The following GPD2 variants were observed in gnomAD, a reference collection of about 807,000 sequenced individuals.
GPD2 encodes glycerol-3-phosphate dehydrogenase 2.
Under a neutral mutation model 82.4 loss-of-function variants are expected in GPD2, and 54 were observed. The ratio of observed to expected loss-of-function variants is 0.66; its 90% CI spans 0.53 to 0.82. GPD2 has a LOEUF of 0.82. GPD2 is among the 40% of genes least tolerant of loss of function. The probability of loss-of-function intolerance (pLI) is 0.00; values close to 1 mark genes in which losing one functional copy is unlikely to be tolerated. For missense variants in GPD2, 748 were observed against 896.2 expected, an observed-to-expected ratio of 0.83 and a Z score of 2.11; for synonymous variants, 288 against 306.1, an observed-to-expected ratio of 0.94 and a Z score of 0.62.
chr2:156,499,724 TTTTA>T (rs941795725), intron 3 of GPD2, among the ~76,000 whole-genome samples: 10 of 152,002 alleles, frequency 6.6e-5, no homozygotes, highest in Admixed American at 2.6e-4. Flanking sequence ...GAAAATTCCA[TTTTA>T]TTTATTTTCA....
Position 156,569,968 on chromosome 2 carries a change from G to T in GPD2, c.1477-119G>T, listed in dbSNP as rs183711886. 3 of 876,616 alleles carry T rather than the reference G, an allele frequency of 3.4e-6. No individual in the cohort carries two copies. The African/African-American group carries it at 5.0e-5, about 15-fold the overall frequency. The allele number at this position is 876,616 out of a possible 1,614,324, so 54.3% of individuals were successfully genotyped here. ...ACAAAATCAAAATATAATACTCTCC[G>T]AGAGCTATTAGTTACAGGCTGTAAG... On this transcript the variant is annotated intron_variant, in intron 11 of 16. Transcript: ENST00000438166.
Position 156,550,482 on chromosome 2 carries a change from C to T in GPD2, c.827-120C>T, listed in dbSNP as rs1360909417. The T allele has an allele frequency of 3.0e-6, 3 of 996,380 alleles. No homozygotes were observed. The East Asian group carries it at 7.2e-5, about 24-fold the overall frequency. 61.7% of individuals were successfully genotyped at this position (996,380 alleles called of 1,614,324 possible). A position where few individuals can be genotyped will look rare whatever the true frequency, so the allele number is the denominator to read the frequency against. On this transcript the variant is annotated intron_variant, in intron 7 of 16. Coordinates refer to ENST00000438166, the MANE Select transcript of GPD2 (RefSeq NM_000408.5). ...TCAATAACTTGAGCTGCTCAGGTCA[C>T]TTAGTGTGGTATGCAGTATACTTCA... is the stretch of plus-strand genomic sequence containing the variant.
At chr2:156,554,867 TTAAC>T (rs1470641442) in intron 8 of GPD2, among the ~76,000 whole-genome samples, 2 of 152,206 alleles carry the variant, frequency 1.3e-5, no homozygotes, top group Admixed American at 1.3e-4. Context: ...TGATTTCAGT[TTAAC>T]TAAGGGCACT....
chr2:156,459,424 C>T (rs1159285887), intron 1 of GPD2, among the ~76,000 whole-genome samples: 1 of 151,966 alleles, frequency 6.6e-6, no homozygotes, highest in Admixed American at 6.6e-5. Context: ...CGGTGGCTCA[C>T]ACCTGTAATC....
At chr2:156,530,736 T>A (rs7569343) in intron 6 of GPD2, among the ~76,000 whole-genome samples, 101,728 of 151,908 alleles carry the variant, frequency 0.67, 34,457 homozygotes, top group Middle Eastern at 0.81. Flanking sequence ...ATTACATTTA[T>A]TGATTTGTGT....
At chr2:156,507,949 C>T (rs1242527813) in intron 3 of GPD2, among the ~76,000 whole-genome samples, 1 of 152,136 alleles carries the variant, frequency 6.6e-6, no homozygotes, top group Non-Finnish European at 1.5e-5. Flanking sequence ...GCCCTGAACA[C>T]GTACTTCTCT....
intron 1 of GPD2, among the ~76,000 whole-genome samples, chr2:156,463,799 G>A (rs1683066499): frequency 6.6e-6 from 1 of 152,024 alleles, no homozygotes; most frequent in Non-Finnish European, 1.5e-5. Flanking sequence ...ATCAATGACA[G>A]CTTCAAAAGG....
intron 9 of GPD2, among the ~76,000 whole-genome samples, chr2:156,560,828 T>C (rs1212722290): frequency 6.6e-6 from 1 of 152,168 alleles, no homozygotes; most frequent in African/African-American, 2.4e-5. Context: ...CATTCAGTTA[T>C]TCAATTACAT....
At chr2:156,513,295 CTG>C in intron 5 of GPD2, 36 bp from the exon 6 acceptor site, 1 of 1,420,248 alleles carries the variant, frequency 7.0e-7, no homozygotes, top group Non-Finnish European at 9.9e-7. Flanking sequence ...ATGCTATACT[CTG>C]TTTCTGAAGA....
chr2:156,424,202 G>GAAA, the GPD2 span, among the ~76,000 whole-genome samples: 5 of 147,510 alleles, frequency 3.4e-5, no homozygotes, highest in Non-Finnish European at 3.0e-5. Context: ...ATTAAATAAG[G>GAAA]AAAAAAAAAA....
At chr2:156,451,720 C>G (rs1180969929) in intron 1 of GPD2, among the ~76,000 whole-genome samples, 2 of 144,266 alleles carry the variant, frequency 1.4e-5, no homozygotes, top group Non-Finnish European at 3.1e-5. Flanking sequence ...CCCTCCCGGA[C>G]GGGGCGGCTG....
chr2:156,417,500 A>G, the GPD2 span, among the ~76,000 whole-genome samples: 1 of 152,126 alleles, frequency 6.6e-6, no homozygotes, highest in Non-Finnish European at 1.5e-5. Context: ...AAATAAGTCA[A>G]TTTATTCCTT....
intron 9 of GPD2, among the ~76,000 whole-genome samples, chr2:156,564,600 T>C (rs187028757): frequency 2.3e-4 from 35 of 152,198 alleles, no homozygotes; most frequent in Non-Finnish European, 3.7e-4. Context: ...AAGCTCTTAA[T>C]ACTTCAGTGG....
chr2:156,414,130 T>C, the GPD2 span, among the ~76,000 whole-genome samples: 1 of 152,116 alleles, frequency 6.6e-6, no homozygotes. Flanking sequence ...ATTTTCCTTA[T>C]TATTAAAGAA....
intron 13 of GPD2, among the ~76,000 whole-genome samples, chr2:156,571,511 T>A (rs1020632196): frequency 1.3e-5 from 2 of 152,128 alleles, no homozygotes; most frequent in African/African-American, 2.4e-5. Flanking sequence ...GCTCATAAAT[T>A]TGTGGTCATA....
chr2:156,518,705 C>G (rs1343479935), intron 6 of GPD2, among the ~76,000 whole-genome samples: 4 of 152,028 alleles, frequency 2.6e-5, no homozygotes, highest in Non-Finnish European at 4.4e-5. Context: ...TCATTGAGTT[C>G]CTGGAACATA....
At chr2:156,564,181 A>G (rs1224807972) in intron 9 of GPD2, among the ~76,000 whole-genome samples, 2 of 152,158 alleles carry the variant, frequency 1.3e-5, no homozygotes, top group African/African-American at 2.4e-5. Context: ...ACAAGCCTCA[A>G]GAGGTGATTA....
intron 6 of GPD2, among the ~76,000 whole-genome samples, chr2:156,543,173 T>G (rs1686390602): frequency 6.6e-6 from 1 of 152,170 alleles, no homozygotes. Flanking sequence ...TTCCATTGTC[T>G]GTTGGGTAGC....
At chr2:156,501,207 G>A (rs1191293737) in intron 3 of GPD2, among the ~76,000 whole-genome samples, 1 of 152,064 alleles carries the variant, frequency 6.6e-6, no homozygotes, top group African/African-American at 2.4e-5. Flanking sequence ...TAACCTTTAT[G>A]TCTTCAGTTC....
Sources: allele counts gnomAD v4.1 joint callset (sites outside exome capture counted in the v4.1 genomes callset), GRCh38; gene constraint gnomAD v4.1.1; transcripts MANE v1.5; gene names NCBI Gene and HGNC (gene_info 2026-07-23, HGNC 2026-07-21).